POLR3G: variants seen among roughly 807,000 people sequenced by gnomAD.
The protein encoded by POLR3G is DNA-directed RNA polymerase III subunit RPC7.
POLR3G carries 28 observed loss-of-function variants against 30.1 expected under a neutral mutation model. The observed-to-expected ratio is 0.93, with a 90% CI of 0.69 to 1.27. The LOEUF is 1.27. Among genes scored for constraint, POLR3G ranks in the 50% most tolerant of loss-of-function variants. The pLI is 0.00. For synonymous variants in POLR3G, 79 were observed against 82.5 expected (o/e 0.96, Z 0.23); for missense variants, 254 against 264.6 (o/e 0.96, Z 0.28).
Position 90,495,729 on chromosome 5 carries a change from A to G in POLR3G, c.300A>G (p.Ile100Met). The G allele has an allele frequency of 6.3e-7, 1 of 1,597,368 alleles. No individual in the cohort carries two copies. Among genetic ancestry groups the G allele is most frequent in the South Asian group, 1.2e-5 (1 of 86,954 alleles). Residue 100 changes from isoleucine to methionine, a missense_variant, in exon 4 of 8, where the codon ATA becomes ATG. By Grantham distance (10) the Ile-to-Met change is conservative (BLOSUM62 1). Coordinates refer to ENST00000651687, the MANE Select transcript of POLR3G (RefSeq NM_006467.3). ...TGAAGGTATACAAGGAAGAATGGAT[A>G]CCAGGTAACTACAAAACACACAATA... ...RYMKVYKEEW[I>M]PDWRRLPREM...
intron 6 of POLR3G, among the ~76,000 whole-genome samples, chr5:90,505,180 T>C (rs979658808): frequency 5.3e-5 from 8 of 152,348 alleles, no homozygotes; most frequent in African/African-American, 1.9e-4. Flanking sequence ...TAAAATCTGC[T>C]TTCTCTCTAT....
At chr5:90,493,893 A>G (rs929809862) in intron 3 of POLR3G, among the ~76,000 whole-genome samples, 1 of 150,844 alleles carries the variant, frequency 6.6e-6, no homozygotes, top group Admixed American at 6.6e-5. Flanking sequence ...TGTTTTTAGT[A>G]TAGATGGGGT....
chr5:90,479,159 A>G (rs1412013555), intron 1 of POLR3G, among the ~76,000 whole-genome samples: 1 of 151,980 alleles, frequency 6.6e-6, no homozygotes, highest in Non-Finnish European at 1.5e-5. Context: ...TAGGGAGGAT[A>G]AAATCCCTGC....
At chr5:90,475,433 GTCTTT>G (rs1321295494) in intron 1 of POLR3G, among the ~76,000 whole-genome samples, 1 of 151,474 alleles carries the variant, frequency 6.6e-6, no homozygotes, top group Non-Finnish European at 1.5e-5. Flanking sequence ...AATATGGTTT[GTCTTT>G]TCTTATAAAA....
chr5:90,497,573 T>C, intron 4 of POLR3G, 83 bp from the exon 5 acceptor site: 1 of 1,464,988 alleles, frequency 6.8e-7, no homozygotes, highest in Admixed American at 2.7e-5. Context: ...TCTGGACAAC[T>C]GTTGTGTCCT....
At position 90,498,323 on chromosome 5, in the gene POLR3G, A is replaced by C. The variant is rs577382430; in HGVS notation, c.355+617A>C. Among the ~76,000 whole-genome samples the C allele has an allele frequency of 5.3e-5, 8 of 151,554 alleles. No homozygotes were observed. In the East Asian group the frequency reaches 1.6e-3, roughly 29 times the overall value. On this transcript the variant is annotated intron_variant, in intron 5 of 7. Coordinates refer to ENST00000651687, the MANE Select transcript of POLR3G (RefSeq NM_006467.3). ...TTTTTTAAATTTCTGTGTTTATTTT[A>C]GATACAGGGGTACATGTGCAGGTTT... is the stretch of plus-strand genomic sequence containing the variant.
intron 3 of POLR3G, among the ~76,000 whole-genome samples, chr5:90,493,449 T>A (rs889309699): frequency 6.6e-6 from 1 of 152,004 alleles, no homozygotes; most frequent in Non-Finnish European, 1.5e-5. Flanking sequence ...GGTTTCACCA[T>A]GTTGCTCAGG....
chr5:90,487,981 T>A lies in POLR3G; in HGVS notation c.118-19T>A, dbSNP rs949529057. On this transcript the variant is annotated intron_variant, in intron 2 of 7. Coordinates refer to ENST00000651687, the MANE Select transcript of POLR3G (RefSeq NM_006467.3). ...ACATAATTGATTTGAAAAAAATCTT[T>A]GTCTCTTAATTTAAACAGGATACAG... 1.3e-5 allele frequency: 20 copies of A among 1,515,476 alleles called. No individual in the cohort carries two copies. Among genetic ancestry groups the A allele is most frequent in the Non-Finnish European group, 1.8e-5 (20 of 1,136,522 alleles). 93.9% of individuals were successfully genotyped at this position (1,515,476 alleles called of 1,614,324 possible).
rs565675359 is a variant in POLR3G, at chr5:90,508,881, G to T, written c.585+2207G>T. Among the ~76,000 whole-genome samples the T allele has an allele frequency of 2.0e-5, 3 of 152,088 alleles. No homozygotes were observed. In the East Asian group the frequency reaches 5.8e-4, roughly 29 times the overall value. ...GTTCAAGACAAGCCTTGCCAACATG[G>T]TGAAACCCTGTCTCTACTAGAAATA... On this transcript the variant is annotated intron_variant, in intron 7 of 7. Coordinates refer to ENST00000651687, the MANE Select transcript of POLR3G (RefSeq NM_006467.3).
intron 3 of POLR3G, among the ~76,000 whole-genome samples, chr5:90,494,788 T>G (rs192120228): frequency 6.8e-4 from 104 of 152,276 alleles, no homozygotes; most frequent in African/African-American, 2.5e-3. Context: ...TTATTTATTC[T>G]CTGTATTTCA....
At position 90,512,676 on chromosome 5, in the gene POLR3G, G is replaced by T. The variant is rs1204302498; in HGVS notation, c.*537G>T. ...TACAAGTACAGAATTGTGAGACAGA[G>T]GTTTTGTGATGGAAAACATACACAT... On this transcript the variant is annotated 3_prime_UTR_variant, in exon 8 of 8. Transcript: ENST00000651687. 6.6e-6 allele frequency: 1 copy of T among 152,604 alleles called. No individual in the cohort carries two copies. The highest frequency in any genetic ancestry group is 1.9e-4 in the East Asian group (1 of 5,198). 9.5% of individuals were successfully genotyped at this position (152,604 alleles called of 1,614,324 possible). A position where few individuals can be genotyped will look rare whatever the true frequency, so the allele number is the denominator to read the frequency against.
intron 4 of POLR3G, among the ~76,000 whole-genome samples, chr5:90,497,239 T>C (rs1752037779): frequency 6.6e-6 from 1 of 152,050 alleles, no homozygotes; most frequent in Admixed American, 6.5e-5. Context: ...TTTGGGATTA[T>C]GGTAACATCC....
chr5:90,509,568 A>T (rs1394103474), intron 7 of POLR3G, among the ~76,000 whole-genome samples: 11 of 152,214 alleles, frequency 7.2e-5, no homozygotes, highest in Admixed American at 7.2e-4. Flanking sequence ...ACCAAAGTCT[A>T]TTTTAGGCAT....
chr5:90,498,067 A>G (rs961884959), intron 5 of POLR3G, among the ~76,000 whole-genome samples: 6 of 152,170 alleles, frequency 3.9e-5, no homozygotes, highest in Admixed American at 1.3e-4. Context: ...CCTAAACTGC[A>G]CCACTGCACT....
intron 3 of POLR3G, among the ~76,000 whole-genome samples, chr5:90,493,223 C>T (rs886423087): frequency 1.4e-5 from 2 of 145,008 alleles, no homozygotes; most frequent in Non-Finnish European, 3.1e-5. Context: ...TACTTAATTG[C>T]TTAGTAAAAT....
upstream of POLR3G, chr5:90,474,673 C>T (rs1181485485): frequency 3.6e-6 from 1 of 279,162 alleles, no homozygotes; most frequent in African/African-American, 2.3e-5. Context: ...AGCAGAGGCC[C>T]GCAGTGAGGG....
intron 1 of POLR3G, among the ~76,000 whole-genome samples, chr5:90,480,917 AC>A (rs1438310910): frequency 6.6e-6 from 1 of 152,022 alleles, no homozygotes; most frequent in African/African-American, 2.4e-5. Context: ...TGTTTTAGTG[AC>A]TCAGCAATTG....
intron 6 of POLR3G, 116 bp from the exon 7 acceptor site, chr5:90,506,412 G>C: frequency 7.3e-7 from 1 of 1,372,184 alleles, no homozygotes; most frequent in Non-Finnish European, 9.7e-7. Context: ...GTAGCCAGGA[G>C]GTGGTGGTAA....
At chr5:90,502,557 G>A (rs1371937020) in intron 6 of POLR3G, among the ~76,000 whole-genome samples, 1 of 151,982 alleles carries the variant, frequency 6.6e-6, no homozygotes, top group Non-Finnish European at 1.5e-5. Flanking sequence ...AGATTCAGAA[G>A]TTTAAAACAC....
Sources: allele counts gnomAD v4.1 joint callset (sites outside exome capture counted in the v4.1 genomes callset), GRCh38; gene constraint gnomAD v4.1.1; transcripts MANE v1.5; gene names NCBI Gene and HGNC (gene_info 2026-07-23, HGNC 2026-07-21).